Variants in FARSB observed in about 807,000 individuals in gnomAD.
The protein encoded by FARSB is phenylalanine--tRNA ligase beta subunit.
A neutral mutation model predicts 69.6 loss-of-function variants in FARSB; 40 were observed. The ratio of observed to expected loss-of-function variants is 0.57; its 90% CI spans 0.45 to 0.75. The LOEUF (loss-of-function observed/expected upper bound fraction) is 0.75. FARSB is among the 30% of genes least tolerant of loss of function. The probability of loss-of-function intolerance (pLI) is 0.00; values close to 1 mark genes in which losing one functional copy is unlikely to be tolerated. For synonymous variants in FARSB, 235 were observed against 247.2 expected, an observed-to-expected ratio of 0.95 and a Z score of 0.46; for missense variants, 632 against 722.9, an observed-to-expected ratio of 0.87 and a Z score of 1.44.
chr2:222,656,061 T>C lies in FARSB; in HGVS notation c.13A>G (p.Ser5Gly), dbSNP rs759402390. The change falls in exon 1 of 17, where the codon AGC becomes GGC. Residue 5 changes from serine to glycine, a missense_variant. Physicochemically the swap from Ser to Gly is moderately conservative, Grantham distance 56. Coordinates refer to ENST00000281828, the MANE Select transcript of FARSB (RefSeq NM_005687.5). ...TGGAAGAGCAGATCACGCTTCACGC[T>C]GACAGTCGGCATGGTGTGTCGAACT... MPTV[S>G]VKRDLLFQAL... 3.1e-6 allele frequency: 5 copies of C among 1,596,254 alleles called. No individual in the cohort carries two copies. Among genetic ancestry groups the C allele is most frequent in the Admixed American group, 3.6e-5 (2 of 56,042 alleles).
At chr2:222,603,481 C>G (rs1371648717) in intron 15 of FARSB, among the ~76,000 whole-genome samples, 1 of 151,718 alleles carries the variant, frequency 6.6e-6, no homozygotes. Context: ...TTATCTGGCA[C>G]ATGCTAGGTA....
At chr2:222,613,401 CG>C (rs1205164672) in intron 15 of FARSB, among the ~76,000 whole-genome samples, 2 of 152,024 alleles carry the variant, frequency 1.3e-5, no homozygotes, top group African/African-American at 4.8e-5. Flanking sequence ...AAAAATTAGC[CG>C]GGTGTGGTGG....
At chr2:222,616,330 C>T (rs988743855) in intron 14 of FARSB, among the ~76,000 whole-genome samples, 3 of 152,148 alleles carry the variant, frequency 2.0e-5, no homozygotes, top group Middle Eastern at 3.4e-3. Flanking sequence ...GGGCGGATCA[C>T]GAGGTCAGGA....
At position 222,624,723 on chromosome 2, in the gene FARSB, A is replaced by G. The variant is rs760371066; in HGVS notation, c.953T>C (p.Val318Ala). The stretch of plus-strand genomic sequence containing the variant: ...AGTTTTCAGAGCATACCTGATTCCA[A>G]CTTTTTTGTTAATTAGGTCAGCTCT... ...MVRADLINKK[V>A]GIRETPENLA... Residue 318 changes from valine to alanine, a missense_variant, in exon 11 of 17, where the codon GTT becomes GCT. Physicochemically the swap from Val to Ala is moderately conservative, Grantham distance 64. Coordinates refer to ENST00000281828, the MANE Select transcript of FARSB (RefSeq NM_005687.5). 18 of 1,604,024 alleles carry G rather than the reference A, an allele frequency of 1.1e-5. No homozygotes were observed. Among genetic ancestry groups the G allele is most frequent in the Non-Finnish European group, 4.3e-6 (5 of 1,173,784 alleles).
chr2:222,627,594 G>C (rs1468585157), intron 10 of FARSB, among the ~76,000 whole-genome samples: 1 of 152,106 alleles, frequency 6.6e-6, no homozygotes, highest in South Asian at 2.1e-4. Flanking sequence ...TAAGTCTTGG[G>C]GGTAGTTTGT....
intron 16 of FARSB, among the ~76,000 whole-genome samples, chr2:222,595,126 T>A (rs1690377453): frequency 6.6e-6 from 1 of 152,200 alleles, no homozygotes; most frequent in Admixed American, 6.5e-5. Context: ...CTTAAAAACT[T>A]CCAATTTTTT....
intron 5 of FARSB, among the ~76,000 whole-genome samples, chr2:222,639,024 G>A (rs977496925): frequency 1.3e-5 from 2 of 152,192 alleles, no homozygotes; most frequent in African/African-American, 4.8e-5. Flanking sequence ...TTATACAGGT[G>A]TGAAGATTAT....
chr2:222,633,419 A>G, intron 6 of FARSB, 112 bp from the exon 7 acceptor site: 1 of 547,926 alleles, frequency 1.8e-6, no homozygotes, highest in Non-Finnish European at 3.2e-6. Context: ...GTGGTGGCTC[A>G]TGCCTGTAAT....
chr2:222,628,957 G>T (rs575143678), intron 9 of FARSB, 69 bp from the exon 10 acceptor site: 86 of 1,093,684 alleles, frequency 7.9e-5, no homozygotes, highest in Middle Eastern at 4.8e-4. Flanking sequence ...CATGAGTATG[G>T]TTATCAAATC....
chr2:222,624,213 TG>T, intron 12 of FARSB, 58 bp downstream of exon 12: 2 of 1,129,514 alleles, frequency 1.8e-6, no homozygotes, highest in Non-Finnish European at 2.7e-6. Context: ...GAAGCCTTCC[TG>T]GCATTAAATA....
chr2:222,609,262 G>T (rs1395940635), intron 15 of FARSB, among the ~76,000 whole-genome samples: 1 of 152,160 alleles, frequency 6.6e-6, no homozygotes, highest in Non-Finnish European at 1.5e-5. Flanking sequence ...TGGGCATAAG[G>T]ATTAAGAATT....
At chr2:222,574,576 G>GT (rs1487562006) in intron 16 of FARSB, among the ~76,000 whole-genome samples, 1 of 152,050 alleles carries the variant, frequency 6.6e-6, no homozygotes, top group Admixed American at 6.5e-5. Context: ...CAACTCACAC[G>GT]TAAAAAGGAA....
chr2:222,634,410 T>A lies in FARSB; in HGVS notation c.587A>T (p.Glu196Val), dbSNP rs774502450. Reference protein sequence around the residue: ...LNKTKEYTACELMNIYKTDNH... With the variant: ...LNKTKEYTACVLMNIYKTDNH... Reference sequence around the variant, plus strand: ...ATTTACCTTGTATATGTTCATCAGTTCACAGGCTGTATACTCCTTGGTCTT... The same window carrying A: ...ATTTACCTTGTATATGTTCATCAGTACACAGGCTGTATACTCCTTGGTCTT... The change falls in exon 6 of 17, where the codon GAA becomes GTA. Residue 196 changes from glutamate to valine, a missense_variant. Glu to Val is a moderately radical substitution (Grantham distance 121). Transcript: ENST00000281828. 1 of 1,601,232 alleles carries A rather than the reference T, an allele frequency of 6.2e-7. No homozygotes were observed. The highest frequency in any genetic ancestry group is 1.1e-5 in the South Asian group (1 of 88,990).
intron 2 of FARSB, among the ~76,000 whole-genome samples, chr2:222,647,163 C>T (rs1380305147): frequency 6.6e-6 from 1 of 152,144 alleles, no homozygotes; most frequent in East Asian, 1.9e-4. Flanking sequence ...GCAAAAGGGG[C>T]AGGGGAAACT....
chr2:222,620,462 C>T (rs756244361), intron 13 of FARSB, among the ~76,000 whole-genome samples: 2 of 152,120 alleles, frequency 1.3e-5, no homozygotes, highest in South Asian at 2.1e-4. Flanking sequence ...ACCCACCAAT[C>T]GAAGAGAAAG....
chr2:222,647,430 T>A lies in FARSB; in HGVS notation c.114+1310A>T, dbSNP rs554384274. ...GTGGATTCCTCCCCAGACCTTGAAA[T>A]CTGACCAGCTTTCAGTTTTACTGAC... On this transcript the variant is annotated intron_variant, in intron 2 of 16. Coordinates refer to ENST00000281828, the MANE Select transcript of FARSB (RefSeq NM_005687.5). 2.6e-5 allele frequency among the ~76,000 whole-genome samples: 4 copies of A among 152,346 alleles called. No individual in the cohort carries two copies. In the South Asian group the frequency reaches 8.3e-4, roughly 32 times the overall value.
chr2:222,582,102 C>G (rs1689985584), intron 16 of FARSB, among the ~76,000 whole-genome samples: 1 of 152,172 alleles, frequency 6.6e-6, no homozygotes, highest in South Asian at 2.1e-4. Context: ...GTGGCATTAC[C>G]AAATAACATA....
At chr2:222,655,400 T>G (rs1484777048) in intron 1 of FARSB, among the ~76,000 whole-genome samples, 1 of 152,208 alleles carries the variant, frequency 6.6e-6, no homozygotes, top group Non-Finnish European at 1.5e-5. Flanking sequence ...AAAGTTGTTC[T>G]TGGCACAACA....
At chr2:222,576,249 T>C (rs1173162917) in intron 16 of FARSB, among the ~76,000 whole-genome samples, 1 of 152,090 alleles carries the variant, frequency 6.6e-6, no homozygotes, top group Admixed American at 6.6e-5. Flanking sequence ...CATCTACTCA[T>C]ACAATTTTAT....
Sources: gnomAD v4.1 joint callset for allele counts (sites outside exome capture counted in the v4.1 genomes callset) on GRCh38, gnomAD v4.1.1 for gene constraint, MANE v1.5 for transcripts, NCBI Gene and HGNC (gene_info 2026-07-23, HGNC 2026-07-21) for gene names.